The following RALGAPB variants were observed in gnomAD, a reference collection of about 807,000 sequenced individuals.
The protein encoded by RALGAPB is Ral GTPase activating protein non-catalytic subunit beta.
RALGAPB carries 25 observed loss-of-function variants against 161.1 expected under a neutral mutation model. That is an observed-to-expected ratio of 0.16 (90% CI 0.11 to 0.22). The LOEUF (loss-of-function observed/expected upper bound fraction) is 0.22. Among genes scored for constraint, RALGAPB ranks in the 10% least tolerant of loss-of-function variants. The pLI, the probability that RALGAPB is intolerant of heterozygous loss-of-function variation, is 1.00. For missense variants in RALGAPB, 1,391 were observed against 1,815.2 expected, an observed-to-expected ratio of 0.77 and a Z score of 4.25; for synonymous variants, 629 against 626.1, an observed-to-expected ratio of 1.00 and a Z score of -0.07.
rs1471720354 is a variant in RALGAPB, at chr20:38,578,857, A to G, written c.*3890A>G. On this transcript the variant is annotated 3_prime_UTR_variant, in exon 30 of 30. Transcript: ENST00000262879. ...TTAAATTTTAAGGAGATTCTTATCT[A>G]ATAACTTTGTGTGTGCTTTTGGATA... 1 of 152,620 alleles carries G rather than the reference A, an allele frequency of 6.6e-6. No individual in the cohort carries two copies. The highest frequency in any genetic ancestry group is 1.5e-5 in the Non-Finnish European group (1 of 68,042). 9.5% of individuals were successfully genotyped at this position (152,620 alleles called of 1,614,324 possible).
chr20:38,529,624 A>C (rs1004575656), intron 13 of RALGAPB, among the ~76,000 whole-genome samples: 3 of 152,026 alleles, frequency 2.0e-5, no homozygotes, highest in African/African-American at 7.2e-5. Flanking sequence ...CGAGGTGAGG[A>C]GTTCAAGACC....
At chr20:38,514,152 G>A (rs2086057928) in intron 6 of RALGAPB, among the ~76,000 whole-genome samples, 1 of 152,200 alleles carries the variant, frequency 6.6e-6, no homozygotes. Context: ...GCTCCATGAA[G>A]CAGCGAACAA....
chr20:38,499,746 A>G, intron 5 of RALGAPB, 113 bp downstream of exon 5: 1 of 1,034,406 alleles, frequency 9.7e-7, no homozygotes, highest in Non-Finnish European at 1.3e-6. Context: ...TGTACTTTAG[A>G]TACAGAATTG....
intron 4 of RALGAPB, among the ~76,000 whole-genome samples, chr20:38,498,961 C>T (rs1379781593): frequency 1.3e-5 from 2 of 152,150 alleles, no homozygotes; most frequent in Non-Finnish European, 2.9e-5. Flanking sequence ...TGCATGAAGT[C>T]GGAGAAGTTA....
chr20:38,526,424 C>G (rs952400698), intron 13 of RALGAPB, among the ~76,000 whole-genome samples: 1 of 152,044 alleles, frequency 6.6e-6, no homozygotes, highest in Non-Finnish European at 1.5e-5. Flanking sequence ...CTTCTTGCCT[C>G]TTCCTCTTAC....
intron 23 of RALGAPB, among the ~76,000 whole-genome samples, chr20:38,560,186 C>G (rs1044434684): frequency 6.6e-6 from 1 of 151,788 alleles, no homozygotes; most frequent in African/African-American, 2.4e-5. Flanking sequence ...CGAACAAAAT[C>G]TACAAGATTT....
At chr20:38,527,397 G>T (rs1218847854) in intron 13 of RALGAPB, among the ~76,000 whole-genome samples, 1 of 152,168 alleles carries the variant, frequency 6.6e-6, no homozygotes, top group East Asian at 1.9e-4. Flanking sequence ...CACCTAATTA[G>T]TAGGTGACTG....
Position 38,577,138 on chromosome 20 carries a change from A to G in RALGAPB, c.*2171A>G, listed in dbSNP as rs767775550. On this transcript the variant is annotated 3_prime_UTR_variant, in exon 30 of 30. Transcript: ENST00000262879. ...TGAAACTCCCAGTGTGTACGGAGCC[A>G]GTGGAATATGGGATACCCATACCTT... 2 of 152,222 alleles carry G rather than the reference A, an allele frequency of 1.3e-5. No homozygotes were observed. The highest frequency in any genetic ancestry group is 1.5e-5 in the Non-Finnish European group (1 of 68,038). The allele number at this position is 152,222 out of a possible 1,614,324, so 9.4% of individuals were successfully genotyped here.
chr20:38,495,813 C>T (rs1382577308), intron 3 of RALGAPB, among the ~76,000 whole-genome samples: 6 of 151,940 alleles, frequency 3.9e-5, no homozygotes, highest in Admixed American at 3.3e-4. Flanking sequence ...TGAATTTAGG[C>T]CTTCTGAATG....
chr20:38,550,849 T>A (rs973325242), intron 20 of RALGAPB, among the ~76,000 whole-genome samples: 1 of 152,162 alleles, frequency 6.6e-6, no homozygotes, highest in Non-Finnish European at 1.5e-5. Context: ...TGTCAGTCAT[T>A]AGATCTATAA....
chr20:38,547,552 A>G (rs1211418804), intron 19 of RALGAPB: 2 of 152,218 alleles, frequency 1.3e-5, no homozygotes, highest in African/African-American at 4.8e-5. Flanking sequence ...TTGCCTTTGT[A>G]AAGGTGAAGA....
intron 20 of RALGAPB, among the ~76,000 whole-genome samples, 194 bp downstream of exon 20, chr20:38,548,989 A>G (rs1295873753): frequency 6.6e-6 from 1 of 152,224 alleles, no homozygotes; most frequent in East Asian, 1.9e-4. Context: ...GACATGTTCA[A>G]GGCAGGTGTC....
chr20:38,538,247 C>A, intron 16 of RALGAPB: 1 of 166,526 alleles, frequency 6.0e-6, no homozygotes, highest in Non-Finnish European at 1.4e-5. Context: ...TTGTTAACTA[C>A]TGCATTGATA....
In RALGAPB at chr20:38,492,972, C is replaced by T. The variant is rs1187334517; in HGVS notation, c.229C>T (p.Pro77Ser). The T allele has an allele frequency of 6.2e-7, 1 of 1,612,726 alleles. No individual in the cohort carries two copies. The highest frequency in any genetic ancestry group is 2.2e-5 in the East Asian group (1 of 44,754). Residue 77 changes from proline to serine, a missense_variant, in exon 3 of 30, where the codon CCA (proline) becomes TCA (serine). This residue lies in a region of RALGAPB where 946 missense variants were observed against 1,257.2 expected (regional missense o/e 0.75). Transcript: ENST00000262879. ...MEVICYGLTL[P>S]LDGETVKYCV... ...AGTAATTTGCTATGGACTGACCCTT[C>T]CATTGGATGGAGAGACTGTAAAATA...
At chr20:38,552,232 C>G (rs1312221722) in intron 21 of RALGAPB, among the ~76,000 whole-genome samples, 1 of 151,804 alleles carries the variant, frequency 6.6e-6, no homozygotes, top group Non-Finnish European at 1.5e-5. Flanking sequence ...TCTCCGCCTC[C>G]CGGGTTCAAG....
In RALGAPB at chr20:38,575,051, T is replaced by C; in HGVS notation, c.*84T>C. 8.7e-7 allele frequency: 1 copy of C among 1,151,440 alleles called. No homozygotes were observed. Among genetic ancestry groups the C allele is most frequent in the Non-Finnish European group, 1.3e-6 (1 of 779,254 alleles). The allele number at this position is 1,151,440 out of a possible 1,614,324, so 71.3% of individuals were successfully genotyped here. A position where few individuals can be genotyped will look rare whatever the true frequency, so the allele number is the denominator to read the frequency against. ...GTTTGATAGGTGATCACTGTAAAAA[T>C]AAAAACAAATCACTCCCAAGAGCTT... On this transcript the variant is annotated 3_prime_UTR_variant, in exon 30 of 30. Coordinates refer to ENST00000262879, the MANE Select transcript of RALGAPB (RefSeq NM_020336.4).
At chr20:38,487,508 A>T (rs1234685924) in intron 1 of RALGAPB, among the ~76,000 whole-genome samples, 1 of 152,232 alleles carries the variant, frequency 6.6e-6, no homozygotes, top group Non-Finnish European at 1.5e-5. Context: ...ATTCTAGAAG[A>T]AATGAAAATT....
intron 1 of RALGAPB, among the ~76,000 whole-genome samples, chr20:38,477,878 T>C (rs2084854002): frequency 6.6e-6 from 1 of 152,046 alleles, no homozygotes; most frequent in African/African-American, 2.4e-5. Context: ...ACCTAACACT[T>C]TGGGAGGCCG....
chr20:38,523,397 G>C (rs960031028), intron 10 of RALGAPB, among the ~76,000 whole-genome samples: 1 of 152,154 alleles, frequency 6.6e-6, no homozygotes, highest in Non-Finnish European at 1.5e-5. Flanking sequence ...ATGGTACTTT[G>C]GTAGTAGGGG....
Sources: allele counts gnomAD v4.1 joint callset (sites outside exome capture counted in the v4.1 genomes callset), GRCh38; gene constraint gnomAD v4.1.1; regional missense constraint gnomAD v4.1.1; transcripts MANE v1.5; gene names NCBI Gene and HGNC (gene_info 2026-07-23, HGNC 2026-07-21).